Variants in CAPS2 observed in about 807,000 individuals in gnomAD.
CAPS2 encodes the protein calcyphosine 2.
In CAPS2, 98 loss-of-function variants were observed where a neutral mutation model predicts 86.5. That is an observed-to-expected ratio of 1.13 (90% confidence interval 0.96 to 1.34). The LOEUF is 1.34. Ranked by LOEUF, CAPS2 falls within the 40% of genes most tolerant of loss-of-function variation. The pLI is 0.00. For missense variants in CAPS2, 729 were observed against 686.8 expected (o/e 1.06, Z -0.69); for synonymous variants, 210 against 225.1 (o/e 0.93, Z 0.60).
chr12:75,306,150 G>A, intron 7 of CAPS2: 1 of 1,043,710 alleles, frequency 9.6e-7, no homozygotes, highest in Non-Finnish European at 1.5e-6. Flanking sequence ...TCACCGAGGA[G>A]TTCGTCCAGC....
intron 13 of CAPS2, among the ~76,000 whole-genome samples, chr12:75,291,111 TACA>T (rs1259742419): frequency 6.6e-6 from 1 of 152,040 alleles, no homozygotes; most frequent in Non-Finnish European, 1.5e-5. Flanking sequence ...ATTTATTACC[TACA>T]ACAACCCTGG....
intron 2 of CAPS2, among the ~76,000 whole-genome samples, chr12:75,323,572 T>C (rs113490482): frequency 0.011 from 1,608 of 152,194 alleles, 20 homozygotes; most frequent in African/African-American, 0.031. Context: ...GGAGAAACTC[T>C]GTCTCTACTA....
chr12:75,374,508 G>A (rs2044547137), intron 1 of CAPS2, among the ~76,000 whole-genome samples: 1 of 152,120 alleles, frequency 6.6e-6, no homozygotes, highest in South Asian at 2.1e-4. Flanking sequence ...ATTTTAATGG[G>A]GTTTATTTCC....
intron 1 of CAPS2, among the ~76,000 whole-genome samples, chr12:75,362,485 CA>C (rs1214609838): frequency 6.6e-6 from 1 of 152,088 alleles, no homozygotes; most frequent in Non-Finnish European, 1.5e-5. Flanking sequence ...TTGACCAACC[CA>C]AATGCCCATC....
chr12:75,347,497 G>A, intron 1 of CAPS2: 3 of 440,586 alleles, frequency 6.8e-6, no homozygotes, highest in Non-Finnish European at 1.2e-5. Context: ...GAAAAAATAT[G>A]TAACTAATAA....
downstream of CAPS2, chr12:75,276,804 C>T (rs2033014260): frequency 2.2e-6 from 2 of 907,360 alleles, no homozygotes; most frequent in Admixed American, 6.2e-5. Flanking sequence ...ATAAAATATA[C>T]ATAACTATAA....
chr12:75,344,305 T>G (rs896767177), intron 1 of CAPS2, among the ~76,000 whole-genome samples: 2 of 152,070 alleles, frequency 1.3e-5, no homozygotes, highest in Non-Finnish European at 2.9e-5. Context: ...AAACTGATGC[T>G]CTTGTCTTTT....
Position 75,298,671 on chromosome 12 carries a change from C to G in CAPS2, c.1044+16G>C, listed in dbSNP as rs1259052662. On this transcript the variant is annotated intron_variant, in intron 11 of 16. Transcript: ENST00000393284. Reference sequence around the variant, plus strand: ...CCATCTGGTATTAAATGTGTGCACACACACACACCACTTACAACATAAAAA... The same window carrying G: ...CCATCTGGTATTAAATGTGTGCACAGACACACACCACTTACAACATAAAAA... 1 of 1,592,492 alleles carries G rather than the reference C, an allele frequency of 6.3e-7. No homozygotes were observed. The highest frequency in any genetic ancestry group is 8.6e-7 in the Non-Finnish European group (1 of 1,160,388).
chr12:75,341,428 T>C (rs2042097478), intron 1 of CAPS2, among the ~76,000 whole-genome samples: 1 of 152,148 alleles, frequency 6.6e-6, no homozygotes, highest in Non-Finnish European at 1.5e-5. Flanking sequence ...GGATTCTATT[T>C]ATATAACATT....
At chr12:75,339,568 T>C (rs993915447) in intron 1 of CAPS2, among the ~76,000 whole-genome samples, 3 of 152,224 alleles carry the variant, frequency 2.0e-5, no homozygotes, top group Non-Finnish European at 4.4e-5. Context: ...GATACTTTCT[T>C]TTGCCGTACA....
At chr12:75,324,383 G>A (rs2040578927) in intron 2 of CAPS2, among the ~76,000 whole-genome samples, 1 of 152,090 alleles carries the variant, frequency 6.6e-6, no homozygotes, top group African/African-American at 2.4e-5. Context: ...CTTTATATCA[G>A]TAAAAGCTAT....
upstream of CAPS2, chr12:75,330,115 A>G: frequency 5.4e-6 from 2 of 367,100 alleles, no homozygotes. Context: ...TCTGACCTCC[A>G]GGGACGAAAA....
At position 75,279,993 on chromosome 12, in the gene CAPS2, T is replaced by C. The variant is rs562354308; in HGVS notation, c.1613-928A>G. ...AGCGAAGAATTTCATACCTCCTTTA[T>C]ACCCCTCACCCAGGAAATATCTACC... On this transcript the variant is annotated intron_variant, in intron 16 of 16. Transcript: ENST00000393284. 5.3e-5 allele frequency among the ~76,000 whole-genome samples: 8 copies of C among 152,008 alleles called. No individual in the cohort carries two copies. In the East Asian group the frequency reaches 1.5e-3, roughly 29 times the overall value.
chr12:75,311,001 C>T (rs2039099134), intron 7 of CAPS2, among the ~76,000 whole-genome samples: 9 of 152,326 alleles, frequency 5.9e-5, no homozygotes, highest in Middle Eastern at 3.4e-3. Flanking sequence ...GCCTTGATAG[C>T]TAACCTAAAG....
intron 1 of CAPS2, among the ~76,000 whole-genome samples, chr12:75,368,700 C>T (rs2044158996): frequency 6.6e-6 from 1 of 151,916 alleles, no homozygotes. Context: ...GTATTAGACT[C>T]ATTTTAAAAA....
At chr12:75,299,061 T>G (rs2037381957) in intron 9 of CAPS2, 95 bp from the exon 10 acceptor site, 3 of 777,146 alleles carry the variant, frequency 3.9e-6, no homozygotes, top group Non-Finnish European at 6.1e-6. Flanking sequence ...GATAGCTAAC[T>G]CTCTTATGTA....
At chr12:75,354,253 C>T (rs1253927981) in intron 1 of CAPS2, among the ~76,000 whole-genome samples, 1 of 151,720 alleles carries the variant, frequency 6.6e-6, no homozygotes, top group Non-Finnish European at 1.5e-5. Context: ...TCTAGAAAAC[C>T]CCATTATCTC....
upstream of CAPS2, among the ~76,000 whole-genome samples, chr12:75,330,436 T>C (rs1038830035): frequency 5.3e-5 from 8 of 152,258 alleles, no homozygotes; most frequent in African/African-American, 1.9e-4. Context: ...GGTTGTTGTG[T>C]AATTCTTTGT....
chr12:75,370,319 C>A, intron 1 of CAPS2: 1 of 551,516 alleles, frequency 1.8e-6, no homozygotes, highest in Non-Finnish European at 3.2e-6. Context: ...GTTTTTAACT[C>A]AAAAAATGTA....
Sources: gnomAD v4.1 joint callset for allele counts (sites outside exome capture counted in the v4.1 genomes callset) on GRCh38, gnomAD v4.1.1 for gene constraint, MANE v1.5 for transcripts, NCBI Gene and HGNC (gene_info 2026-07-23, HGNC 2026-07-21) for gene names.